KIF9: variants seen among roughly 807,000 people sequenced by gnomAD.
The protein encoded by KIF9 is kinesin-like protein KIF9.
In KIF9, 68 loss-of-function variants were observed where a neutral mutation model predicts 94.8. The observed-to-expected ratio is 0.72, with a 90% CI of 0.59 to 0.88. The LOEUF (loss-of-function observed/expected upper bound fraction) is 0.88. Ranked by LOEUF, KIF9 falls within the 40% of genes least tolerant of loss-of-function variation. KIF9 has a pLI of 0.00. For missense variants in KIF9, 882 were observed against 982.5 expected, an observed-to-expected ratio of 0.90 and a Z score of 1.37; for synonymous variants, 343 against 362.1, an observed-to-expected ratio of 0.95 and a Z score of 0.60.
At chr3:47,246,173 G>T (rs1372902256) in intron 13 of KIF9, 24 bp downstream of exon 13, 1 of 1,605,910 alleles carries the variant, frequency 6.2e-7, no homozygotes, top group Admixed American at 1.7e-5. Flanking sequence ...ATGTAGGAAT[G>T]AGGTAGGGGT....
chr3:47,279,871 C>T (rs1030059855), intron 1 of KIF9, among the ~76,000 whole-genome samples: 1 of 152,078 alleles, frequency 6.6e-6, no homozygotes, highest in African/African-American at 2.4e-5. Context: ...CCCACCTCAG[C>T]GGATCATTTT....
chr3:47,276,438 C>A (rs575722181), intron 2 of KIF9, among the ~76,000 whole-genome samples: 67 of 152,058 alleles, frequency 4.4e-4, no homozygotes, highest in African/African-American at 1.5e-3. Flanking sequence ...TGCCTGTAAT[C>A]CCAGCTACTA....
chr3:47,251,555 C>T (rs1446455928), intron 10 of KIF9, among the ~76,000 whole-genome samples: 1 of 152,082 alleles, frequency 6.6e-6, no homozygotes, highest in African/African-American at 2.4e-5. Flanking sequence ...CAGAGTGAGA[C>T]CCTGTCTCAA....
At position 47,228,267 on chromosome 3, in the gene KIF9, G is replaced by T; in HGVS notation, c.*385C>A. On this transcript the variant is annotated 3_prime_UTR_variant, in exon 21 of 21. Coordinates refer to ENST00000684063, the MANE Select transcript of KIF9 (RefSeq NM_182902.4). ...AAAGGGGCTGACCAGTGTGACAAAGGCCTGCCAGGAGGAGCCTGGCTGAGC... is the reference window on the plus strand; with the variant it reads ...AAAGGGGCTGACCAGTGTGACAAAGTCCTGCCAGGAGGAGCCTGGCTGAGC... 5.7e-6 allele frequency: 1 copy of T among 175,580 alleles called. No individual in the cohort carries two copies. Among genetic ancestry groups the T allele is most frequent in the Non-Finnish European group, 1.2e-5 (1 of 82,640 alleles). The allele number at this position is 175,580 out of a possible 1,614,324, so 10.9% of individuals were successfully genotyped here. A position where few individuals can be genotyped will look rare whatever the true frequency, so the allele number is the denominator to read the frequency against.
intron 4 of KIF9, 55 bp from the exon 5 acceptor site, chr3:47,271,516 G>T: frequency 7.7e-7 from 1 of 1,295,496 alleles, no homozygotes; most frequent in Non-Finnish European, 1.1e-6. Context: ...CAGCCAACTA[G>T]CATAAGGGGG....
chr3:47,239,840 A>C (rs1699334671), intron 17 of KIF9: 20 of 1,367,690 alleles, frequency 1.5e-5, no homozygotes, highest in Non-Finnish European at 2.0e-5. Context: ...ACATCTGGAG[A>C]TCACTCATGG....
chr3:47,282,481 CA>C lies in KIF9; in HGVS notation c.-6+13del, dbSNP rs1422062074. ...CCGTCTCCCCACTCCCACCGGCGAGCAGCCCCTGCTCACCGTTCACCAGGCA... is the reference window on the plus strand; with the variant it reads ...CCGTCTCCCCACTCCCACCGGCGAGCGCCCCTGCTCACCGTTCACCAGGCA... On this transcript the variant is annotated intron_variant, in intron 1 of 20. Coordinates refer to ENST00000684063, the MANE Select transcript of KIF9 (RefSeq NM_182902.4). 3.2e-5 allele frequency: 32 copies of C among 989,870 alleles called. No individual in the cohort carries two copies. In the African/African-American group the frequency reaches 5.6e-4, roughly 17 times the overall value. 61.3% of individuals were successfully genotyped at this position (989,870 alleles called of 1,614,324 possible).
intron 4 of KIF9, among the ~76,000 whole-genome samples, chr3:47,272,851 G>T (rs1000527636): frequency 2.6e-5 from 4 of 152,170 alleles, no homozygotes; most frequent in Non-Finnish European, 5.9e-5. Context: ...CCAAAAACAG[G>T]AGCATGGATG....
intron 16 of KIF9, among the ~76,000 whole-genome samples, chr3:47,241,771 A>ACG (rs1699527191): frequency 6.9e-6 from 1 of 144,336 alleles, no homozygotes; most frequent in South Asian, 2.1e-4. Context: ...ATATATACGT[A>ACG]TATATACATG....
intron 10 of KIF9, among the ~76,000 whole-genome samples, chr3:47,254,883 C>A (rs1700477604): frequency 6.6e-6 from 1 of 152,174 alleles, no homozygotes; most frequent in South Asian, 2.1e-4. Context: ...CCTAGACCAG[C>A]AGAATCAGAA....
chr3:47,250,454 A>G, intron 10 of KIF9: 1 of 192,996 alleles, frequency 5.2e-6, no homozygotes, highest in South Asian at 3.4e-5. Context: ...AGTGCTTTAA[A>G]AAGCACTTGG....
At chr3:47,228,874 ACT>A (rs916823559) in intron 20 of KIF9, among the ~76,000 whole-genome samples, 172 bp from the exon 21 acceptor site, 3 of 151,912 alleles carry the variant, frequency 2.0e-5, no homozygotes, top group Non-Finnish European at 4.4e-5. Context: ...ATCCATTCAA[ACT>A]CTTTCATTCT....
intron 16 of KIF9, among the ~76,000 whole-genome samples, chr3:47,241,297 G>C (rs1699460645): frequency 6.6e-6 from 1 of 151,844 alleles, no homozygotes; most frequent in South Asian, 2.1e-4. Flanking sequence ...GGCATATGGT[G>C]GTGTATTTCC....
At chr3:47,244,723 G>A in intron 15 of KIF9, 68 bp downstream of exon 15, 1 of 1,574,930 alleles carries the variant, frequency 6.3e-7, no homozygotes, top group Non-Finnish European at 8.7e-7. Context: ...TGGGAACAGT[G>A]CACATCCTCC....
rs1699803488 is a variant in KIF9 at position 47,244,628 on chromosome 3, C to T, written c.1514+163G>A. The T allele has an allele frequency of 1.3e-5, 11 of 858,308 alleles. No individual in the cohort carries two copies. The South Asian group carries it at 1.8e-4, about 14-fold the overall frequency. The allele number at this position is 858,308 out of a possible 1,614,324, so 53.2% of individuals were successfully genotyped here. A position where few individuals can be genotyped will look rare whatever the true frequency, so the allele number is the denominator to read the frequency against. ...ATTCTTGTGCGGTTCCAAACCAGCC[C>T]CAGCCCGGGCCCCACAGACTTGCTA... On this transcript the variant is annotated intron_variant, in intron 15 of 20. Transcript: ENST00000684063.
intron 17 of KIF9, chr3:47,240,147 TGGGCGGC>T: frequency 1.3e-5 from 4 of 299,394 alleles, no homozygotes; most frequent in South Asian, 6.4e-5. Flanking sequence ...AGTGCAGGTG[TGGGCGGC>T]GCACGCCACC....
At chr3:47,263,034 G>C (rs904029809) in intron 9 of KIF9, among the ~76,000 whole-genome samples, 2 of 152,110 alleles carry the variant, frequency 1.3e-5, no homozygotes, top group Non-Finnish European at 2.9e-5. Context: ...GAGTAGCTGG[G>C]ACCACAGGCA....
intron 11 of KIF9, 107 bp downstream of exon 11, chr3:47,247,911 C>G (rs941291019): frequency 2.3e-6 from 2 of 859,664 alleles, no homozygotes; most frequent in African/African-American, 3.3e-5. Flanking sequence ...CCCAACCCCG[C>G]CCACCATTGG....
At chr3:47,239,200 C>T (rs537185139) in intron 17 of KIF9, among the ~76,000 whole-genome samples, 6 of 151,902 alleles carry the variant, frequency 3.9e-5, no homozygotes, top group Middle Eastern at 3.4e-3. Context: ...AACTCCATCT[C>T]GAAAAAGAAA....
Sources: gnomAD v4.1 joint callset for allele counts (sites outside exome capture counted in the v4.1 genomes callset) on GRCh38, gnomAD v4.1.1 for gene constraint, MANE v1.5 for transcripts, NCBI Gene and HGNC (gene_info 2026-07-23, HGNC 2026-07-21) for gene names.